HSPBAP1: variants seen among roughly 807,000 people sequenced by gnomAD.
The protein encoded by HSPBAP1 is HSPB1 associated protein 1, also known as HSPB1-associated protein 1.
In HSPBAP1, 27 loss-of-function variants were observed where a neutral mutation model predicts 45.2. The ratio of observed to expected loss-of-function variants is 0.60; its 90% CI spans 0.44 to 0.82. The LOEUF (loss-of-function observed/expected upper bound fraction) is 0.82, where lower values mean the gene tolerates loss of function less well. Ranked by LOEUF, HSPBAP1 falls within the 40% of genes least tolerant of loss-of-function variation. The pLI, the probability that HSPBAP1 is intolerant of heterozygous loss-of-function variation, is 0.00. For missense variants in HSPBAP1, 510 were observed against 590.9 expected, an observed-to-expected ratio of 0.86 and a Z score of 1.42; for synonymous variants, 204 against 202.7, an observed-to-expected ratio of 1.01 and a Z score of -0.06.
chr3:122,755,284 A>G lies in HSPBAP1; in HGVS notation c.717T>C (p.His239=). The G allele has an allele frequency of 1.3e-6, 2 of 1,593,008 alleles. No individual in the cohort carries two copies. The highest frequency in any genetic ancestry group is 1.7e-6 in the Non-Finnish European group (2 of 1,172,506). The change falls in exon 5 of 8, where the codon CAT becomes CAC. Residue 239 remains histidine, a synonymous_variant. Transcript: ENST00000306103. ...CCTGTCCTGGGCTCAGTGTAACCGC[A>G]TGTCTTTGAGCTTTCCGGAACTGAG... ...RFPQFRKAQR[H]AVTLSPGQVL... is the part of the protein sequence containing the mutation.
intron 2 of HSPBAP1, among the ~76,000 whole-genome samples, chr3:122,769,853 T>C (rs553700805): frequency 6.6e-6 from 1 of 152,330 alleles, no homozygotes; most frequent in South Asian, 2.1e-4. Context: ...CTAATTTTTG[T>C]ATTTTTTAGT....
At chr3:122,790,963 ATTTCT>A (rs1435589732) in intron 1 of HSPBAP1, among the ~76,000 whole-genome samples, 2 of 152,054 alleles carry the variant, frequency 1.3e-5, no homozygotes, top group Non-Finnish European at 2.9e-5. Context: ...AACATCTCTA[ATTTCT>A]TTTCTTTCAG....
rs535639398 is a variant in HSPBAP1 at position 122,747,185 on chromosome 3, C to T, written c.825+5406G>A. On this transcript the variant is annotated intron_variant, in intron 6 of 7. Coordinates refer to ENST00000306103, the MANE Select transcript of HSPBAP1 (RefSeq NM_024610.6). ...AAAGTGAGGAGCATCTCTGCCCGGC[C>T]GCCATCCCATCTAGGAAGTGAGGAG... 1.4e-3 allele frequency among the ~76,000 whole-genome samples: 212 copies of T among 151,592 alleles called. 1 individual carries two copies. The highest frequency in any genetic ancestry group is 2.5e-3 in the Non-Finnish European group (171 of 67,884).
chr3:122,745,898 C>T (rs1055129067), intron 6 of HSPBAP1, among the ~76,000 whole-genome samples: 6 of 152,178 alleles, frequency 3.9e-5, no homozygotes, highest in African/African-American at 1.4e-4. Context: ...TGCTATCACA[C>T]CTCAAACTGC....
At position 122,771,891 on chromosome 3, in the gene HSPBAP1, G is replaced by C. The variant is rs536248987; in HGVS notation, c.251-3009C>G. 3.8e-4 allele frequency among the ~76,000 whole-genome samples: 58 copies of C among 152,260 alleles called. No individual in the cohort carries two copies. In the South Asian group the frequency reaches 0.012, roughly 31 times the overall value. On this transcript the variant is annotated intron_variant, in intron 2 of 7. Transcript: ENST00000306103. ...AGAAATAAGAAATACACTCAACAGA[G>C]AGGAAACAAAGTTATCCTTACTTTT...
chr3:122,769,625 A>T (rs1342918790), intron 2 of HSPBAP1, among the ~76,000 whole-genome samples: 1 of 152,208 alleles, frequency 6.6e-6, no homozygotes, highest in Non-Finnish European at 1.5e-5. Flanking sequence ...GATGTAGATC[A>T]GTTAGCACAG....
Position 122,755,339 on chromosome 3 carries a change from T to A in HSPBAP1, c.662A>T (p.Asn221Ile), listed in dbSNP as rs78317309. ...ACGCTTTAAATCAGGATTGACAACA[T>A]TGATTTTACTGAACACACTAGATTC... ...YEESSVFSKI[N>I]VVNPDLKRFP... The change falls in exon 5 of 8, where the codon AAT (asparagine) becomes ATT (isoleucine). Residue 221 changes from asparagine (N) to isoleucine (I), a missense_variant. Transcript: ENST00000306103. 6.2e-7 allele frequency: 1 copy of A among 1,606,600 alleles called. No individual in the cohort carries two copies. The highest frequency in any genetic ancestry group is 8.5e-7 in the Non-Finnish European group (1 of 1,176,368).
intron 1 of HSPBAP1, among the ~76,000 whole-genome samples, chr3:122,779,051 G>A (rs1052701348): frequency 6.6e-5 from 8 of 121,320 alleles, no homozygotes; most frequent in African/African-American, 2.7e-4. Flanking sequence ...TTTTTTTTTT[G>A]TGAGACAGAG....
At chr3:122,769,545 C>T (rs1011436189) in intron 2 of HSPBAP1, among the ~76,000 whole-genome samples, 3 of 152,172 alleles carry the variant, frequency 2.0e-5, no homozygotes, top group Non-Finnish European at 4.4e-5. Flanking sequence ...CTTAAATGAA[C>T]AGAGGAAGTT....
intron 3 of HSPBAP1, among the ~76,000 whole-genome samples, chr3:122,765,148 G>T (rs1298816951): frequency 1.3e-5 from 2 of 152,090 alleles, no homozygotes; most frequent in Non-Finnish European, 1.5e-5. Flanking sequence ...TGTACCTAAG[G>T]TAATTTTTCT....
Position 122,759,349 on chromosome 3 carries a change from C to T in HSPBAP1, c.444G>A (p.Trp148Ter), listed in dbSNP as rs1576248708. The T allele has an allele frequency of 6.2e-7, 1 of 1,613,500 alleles. No homozygotes were observed. The highest frequency in any genetic ancestry group is 2.2e-5 in the East Asian group (1 of 44,870). The change falls in exon 4 of 8, where the codon TGG becomes TGA. Residue 148 changes from tryptophan to a stop codon, truncating the protein, a stop_gained. Coordinates refer to ENST00000306103, the MANE Select transcript of HSPBAP1 (RefSeq NM_024610.6). LOFTEE classifies it high-confidence loss of function. ...DKTDLFQDVK[W>*]SDFGFPGRNG... ...TTCTTCCAGGAAACCCGAAGTCAGA[C>T]CATTTCACATCCTGTTTTGAAATAA...
chr3:122,778,827 G>A (rs570394741), intron 1 of HSPBAP1, among the ~76,000 whole-genome samples: 1 of 152,138 alleles, frequency 6.6e-6, no homozygotes, highest in South Asian at 2.1e-4. Context: ...ACTGCACCCG[G>A]CCCACACAGT....
chr3:122,757,604 A>C (rs1934399693), intron 4 of HSPBAP1, among the ~76,000 whole-genome samples: 1 of 152,160 alleles, frequency 6.6e-6, no homozygotes, highest in East Asian at 1.9e-4. Context: ...AACTCCCATC[A>C]TAGAGAGGGT....
At chr3:122,769,949 G>A (rs1934928162) in intron 2 of HSPBAP1, among the ~76,000 whole-genome samples, 1 of 152,202 alleles carries the variant, frequency 6.6e-6, no homozygotes, top group South Asian at 2.1e-4. Flanking sequence ...AAAGTGCTGG[G>A]ATTACAGGTG....
chr3:122,777,593 T>G, intron 2 of HSPBAP1, 128 bp downstream of exon 2: 1 of 596,304 alleles, frequency 1.7e-6, no homozygotes, highest in Non-Finnish European at 2.8e-6. Context: ...AAAATGTTCC[T>G]GTATGTGCAG....
intron 1 of HSPBAP1, among the ~76,000 whole-genome samples, chr3:122,779,146 A>G (rs1449385786): frequency 5.9e-5 from 9 of 151,518 alleles, no homozygotes; most frequent in African/African-American, 2.2e-4. Flanking sequence ...GGGTTCAAGC[A>G]ATTCTCTGCC....
chr3:122,781,568 G>A (rs919004810), intron 1 of HSPBAP1, among the ~76,000 whole-genome samples: 10 of 152,040 alleles, frequency 6.6e-5, no homozygotes, highest in Admixed American at 6.6e-5. Flanking sequence ...GTGGGGAGAC[G>A]GAGAGAGAGA....
intron 1 of HSPBAP1, among the ~76,000 whole-genome samples, chr3:122,793,121 C>T (rs1487166570): frequency 2.0e-5 from 3 of 152,138 alleles, no homozygotes; most frequent in South Asian, 2.1e-4. Flanking sequence ...CAGAACACAG[C>T]CCTGCACGGT....
intron 4 of HSPBAP1, among the ~76,000 whole-genome samples, chr3:122,757,881 A>G (rs1934411386): frequency 6.6e-6 from 1 of 152,230 alleles, no homozygotes; most frequent in Admixed American, 6.5e-5. Context: ...TGTCTCTCTT[A>G]CCAAGTTTAA....
Sources: allele counts gnomAD v4.1 joint callset (sites outside exome capture counted in the v4.1 genomes callset), GRCh38; gene constraint gnomAD v4.1.1; transcripts MANE v1.5; gene names NCBI Gene and HGNC (gene_info 2026-07-23, HGNC 2026-07-21).